Variants in HYDIN observed in about 807,000 individuals in gnomAD.
The protein encoded by HYDIN is axonemal central pair apparatus protein HYDIN.
HYDIN carries 132 observed loss-of-function variants against 403.9 expected under a neutral mutation model. The observed-to-expected ratio is 0.33, with a 90% CI of 0.28 to 0.38. The LOEUF (loss-of-function observed/expected upper bound fraction) is 0.38. Among genes scored for constraint, HYDIN ranks in the 10% least tolerant of loss-of-function variants. The pLI is 1.00. For synonymous variants in HYDIN, 1,202 were observed against 1,891.7 expected (o/e 0.64, Z 9.46); for missense variants, 2,827 against 5,009.5 (o/e 0.56, Z 13.15).
chr16:70,813,388 G>C (rs997660750), intron 84 of HYDIN, among the ~76,000 whole-genome samples: 4 of 152,052 alleles, frequency 2.6e-5, no homozygotes, highest in Admixed American at 6.5e-5. Context: ...AGCCAGCAGG[G>C]AGCTAAGGCC....
chr16:70,874,810 C>T lies in HYDIN; in HGVS notation c.10660+7G>A, dbSNP rs760543373. On this transcript the variant is annotated splice_region_variant and intron_variant, in intron 63 of 85. Coordinates refer to ENST00000393567, the MANE Select transcript of HYDIN (RefSeq NM_001270974.2). ...TTGCCCTCTAGAAGCACCCTCCCCA[C>T]ACTTACCTTTTACATGTGGTTTATT... The T allele has an allele frequency of 6.2e-7, 1 of 1,612,524 alleles. No homozygotes were observed. Among genetic ancestry groups the T allele is most frequent in the East Asian group, 2.2e-5 (1 of 44,824 alleles).
At chr16:71,141,296 A>T (rs1398923506) in intron 7 of HYDIN, among the ~76,000 whole-genome samples, 2 of 151,462 alleles carry the variant, frequency 1.3e-5, no homozygotes, top group Non-Finnish European at 3.0e-5. Context: ...ATGAAAAAAC[A>T]TATCTCATAT....
At chr16:70,811,028 G>T (rs2143427982) in intron 84 of HYDIN, among the ~76,000 whole-genome samples, 1 of 152,282 alleles carries the variant, frequency 6.6e-6, no homozygotes, top group South Asian at 2.1e-4. Context: ...TTATGTTAGG[G>T]TGGGAAAATG....
rs377328595 is a variant in HYDIN at position 71,129,744 on chromosome 16, G to A, written c.1123C>T (p.Arg375Ter). Residue 375 changes from arginine (R) to a stop codon, truncating the protein, a stop_gained, in exon 9 of 86, where the codon CGA (arginine) becomes TGA (stop). Coordinates refer to ENST00000393567, the MANE Select transcript of HYDIN (RefSeq NM_001270974.2). LOFTEE classifies it high-confidence loss of function. Reference protein sequence around the residue: ...FEECITDPLLREHLSVLSRTF... With the variant: ...FEECITDPLL ...CGGGACAGAACAGAAAGATGTTCTC[G>A]GAGTAAAGGATCAGTAATGCACTCT... is the stretch of plus-strand genomic sequence containing the variant. 7.4e-6 allele frequency: 12 copies of A among 1,613,914 alleles called. No individual in the cohort carries two copies. The highest frequency in any genetic ancestry group is 5.3e-5 in the African/African-American group (4 of 74,898).
intron 44 of HYDIN, among the ~76,000 whole-genome samples, chr16:70,936,503 C>T (rs2077496863): frequency 8.8e-6 from 1 of 113,528 alleles, no homozygotes; most frequent in African/African-American, 2.5e-5. Flanking sequence ...AGGCCCGCCT[C>T]CCATAGCTGA....
chr16:70,961,614 G>A (rs1309327301), intron 38 of HYDIN, among the ~76,000 whole-genome samples: 3 of 152,134 alleles, frequency 2.0e-5, no homozygotes, highest in East Asian at 1.9e-4. Context: ...GCCCAACTGG[G>A]GGGACACTGG....
chr16:71,037,113 T>G lies in HYDIN; in HGVS notation c.2530-5196A>C, dbSNP rs1307571637. Among the ~76,000 whole-genome samples the G allele has an allele frequency of 2.0e-5, 3 of 151,494 alleles. No individual in the cohort carries two copies. The East Asian group carries it at 5.8e-4, about 29-fold the overall frequency. On this transcript the variant is annotated intron_variant, in intron 18 of 85. Coordinates refer to ENST00000393567, the MANE Select transcript of HYDIN (RefSeq NM_001270974.2). ...TGGAACTTTGGGGATGTCTCCTAAC[T>G]ATGTATGCCTGGTCTCAGGTTTCTC...
At chr16:71,176,495 A>C (rs1332366164) in intron 4 of HYDIN, among the ~76,000 whole-genome samples, 1 of 151,980 alleles carries the variant, frequency 6.6e-6, no homozygotes, top group East Asian at 1.9e-4. Context: ...TCCTCACCAT[A>C]ATCTTTGAGC....
intron 84 of HYDIN, among the ~76,000 whole-genome samples, chr16:70,817,757 T>C (rs1410577734): frequency 6.6e-6 from 1 of 152,072 alleles, no homozygotes; most frequent in African/African-American, 2.4e-5. Flanking sequence ...TTTATATTAT[T>C]TTGAGATAGA....
At chr16:70,956,068 C>A (rs1312954427) in intron 39 of HYDIN, among the ~76,000 whole-genome samples, 1 of 152,148 alleles carries the variant, frequency 6.6e-6, no homozygotes, top group African/African-American at 2.4e-5. Context: ...GATCCACCTG[C>A]CTTGGCCTCC....
intron 5 of HYDIN, among the ~76,000 whole-genome samples, chr16:71,169,357 T>C (rs898833705): frequency 1.3e-5 from 2 of 151,970 alleles, no homozygotes; most frequent in South Asian, 2.1e-4. Flanking sequence ...TGTTTGAGCC[T>C]GGGAGGTAGA....
At chr16:71,072,256 TG>T (rs936685550) in intron 13 of HYDIN, among the ~76,000 whole-genome samples, 1 of 146,780 alleles carries the variant, frequency 6.8e-6, no homozygotes, top group Admixed American at 6.9e-5. Context: ...CCTCTGTAGC[TG>T]GGGATGTGGC....
chr16:71,219,047 C>T (rs1203134086), intron 1 of HYDIN, among the ~76,000 whole-genome samples: 3 of 152,108 alleles, frequency 2.0e-5, no homozygotes, highest in Non-Finnish European at 1.5e-5. Context: ...ATAAAAATAG[C>T]TTAACCTTGA....
At chr16:71,188,480 C>T (rs888089449) in intron 1 of HYDIN, among the ~76,000 whole-genome samples, 1 of 152,130 alleles carries the variant, frequency 6.6e-6, no homozygotes, top group Admixed American at 6.5e-5. Context: ...AGATTGTGGT[C>T]TTGATTTTAA....
intron 5 of HYDIN, among the ~76,000 whole-genome samples, chr16:71,169,453 G>A (rs1293561451): frequency 6.6e-6 from 1 of 151,872 alleles, no homozygotes; most frequent in African/African-American, 2.4e-5. Flanking sequence ...AAAAGAAAAT[G>A]TGGCATATAT....
chr16:71,223,855 G>A (rs2040913274), intron 1 of HYDIN, among the ~76,000 whole-genome samples: 1 of 152,142 alleles, frequency 6.6e-6, no homozygotes, highest in East Asian at 1.9e-4. Flanking sequence ...TGGTGAAAAG[G>A]GAATACTTCT....
At chr16:71,126,578 G>A (rs2084469778) in intron 9 of HYDIN, among the ~76,000 whole-genome samples, 1 of 152,166 alleles carries the variant, frequency 6.6e-6, no homozygotes, top group Non-Finnish European at 1.5e-5. Context: ...CCCAGCTGCA[G>A]TGGAGATCGA....
chr16:71,207,254 G>T (rs538842728), intron 1 of HYDIN, among the ~76,000 whole-genome samples: 1 of 152,322 alleles, frequency 6.6e-6, no homozygotes, highest in East Asian at 1.9e-4. Context: ...TAAGCCAGAA[G>T]AGATTGGGGG....
chr16:71,079,974 G>T (rs1512613), intron 12 of HYDIN, 22 bp from the exon 13 acceptor site: 12 of 789,288 alleles, frequency 1.5e-5, no homozygotes, highest in Middle Eastern at 2.3e-4. Flanking sequence ...AATACAAGGT[G>T]GGGGAGAGGG....
Sources: gnomAD v4.1 joint callset for allele counts (sites outside exome capture counted in the v4.1 genomes callset) on GRCh38, gnomAD v4.1.1 for gene constraint, MANE v1.5 for transcripts, NCBI Gene and HGNC (gene_info 2026-07-23, HGNC 2026-07-21) for gene names.